CDH10: variants seen among roughly 807,000 people sequenced by gnomAD.
CDH10 encodes cadherin-10.
Under a neutral mutation model 73.1 loss-of-function variants are expected in CDH10, and 30 were observed. The observed-to-expected ratio is 0.41, with a 90% confidence interval of 0.31 to 0.56. The LOEUF (loss-of-function observed/expected upper bound fraction) is 0.56, where lower values mean the gene tolerates loss of function less well. Among genes scored for constraint, CDH10 ranks in the 20% least tolerant of loss-of-function variants. CDH10 has a pLI of 0.27. For missense variants in CDH10, 815 were observed against 973.7 expected (o/e 0.84, Z 2.17); for synonymous variants, 345 against 348.2 (o/e 0.99, Z 0.10).
intron 5 of CDH10, among the ~76,000 whole-genome samples, chr5:24,527,234 T>C (rs1743564321): frequency 6.7e-6 from 1 of 148,380 alleles, no homozygotes; most frequent in African/African-American, 2.4e-5. Context: ...TATAGTCATA[T>C]ATACTTACAT....
rs2111649068 is a variant in CDH10, at chr5:24,492,826, C to T, written c.1615G>A (p.Asp539Asn). The T allele has an allele frequency of 7.0e-7, 1 of 1,424,402 alleles. No homozygotes were observed. The highest frequency in any genetic ancestry group is 9.9e-7 in the Non-Finnish European group (1 of 1,007,674). The allele number at this position is 1,424,402 out of a possible 1,614,324, so 88.2% of individuals were successfully genotyped here. The change falls in exon 10 of 12, where the codon GAT becomes AAT. Residue 539 changes from aspartate to asparagine, a missense_variant. Physicochemically the swap from Asp to Asn is conservative, Grantham distance 23 (BLOSUM62 1). This residue lies in a region of CDH10 where 516 missense variants were observed against 636.6 expected (regional missense o/e 0.81). Coordinates refer to ENST00000264463, the MANE Select transcript of CDH10 (RefSeq NM_006727.5). ...AAGTTCTAAAATTTACCTTCATTAT[C>T]CTGTACTGTGAAGTTTGGATTGACA... ...AAVNPNFTVQ[D>N]NEDNTARILT...
intron 2 of CDH10, among the ~76,000 whole-genome samples, chr5:24,579,539 T>C (rs1307701104): frequency 6.6e-6 from 1 of 152,072 alleles, no homozygotes; most frequent in East Asian, 1.9e-4. Context: ...GCAAAAAGAA[T>C]GCTGGACTCA....
chr5:24,603,797 C>G lies in CDH10; in HGVS notation c.-123-10184G>C, dbSNP rs578213939. ...GATACCTACTTTTACCACTTGTATT[C>G]AACTTTAAACTGGTTGTCCTAGCCA... On this transcript the variant is annotated intron_variant, in intron 1 of 11. Coordinates refer to ENST00000264463, the MANE Select transcript of CDH10 (RefSeq NM_006727.5). Among the ~76,000 whole-genome samples the G allele has an allele frequency of 2.0e-5, 3 of 152,032 alleles. No homozygotes were observed. In the East Asian group the frequency reaches 5.8e-4, roughly 29 times the overall value.
At chr5:24,570,710 T>C (rs1194675239) in intron 2 of CDH10, among the ~76,000 whole-genome samples, 4 of 152,114 alleles carry the variant, frequency 2.6e-5, no homozygotes, top group African/African-American at 9.7e-5. Flanking sequence ...TTCTATCTAA[T>C]CAAATCTTTA....
chr5:24,495,320 T>C (rs559948823), intron 9 of CDH10, among the ~76,000 whole-genome samples: 1 of 152,324 alleles, frequency 6.6e-6, no homozygotes, highest in Non-Finnish European at 1.5e-5. Flanking sequence ...TCATTTACAT[T>C]TTATCTCCTT....
intron 2 of CDH10, among the ~76,000 whole-genome samples, chr5:24,592,785 A>G (rs572071286): frequency 2.0e-5 from 3 of 151,934 alleles, no homozygotes; most frequent in South Asian, 2.1e-4. Flanking sequence ...ATTTTCTTAT[A>G]ATAAGCAACA....
In CDH10 at chr5:24,492,914, A is replaced by C; in HGVS notation, c.1527T>G (p.Thr509=). 2.7e-6 allele frequency: 4 copies of C among 1,465,406 alleles called. No individual in the cohort carries two copies. The highest frequency in any genetic ancestry group is 3.8e-6 in the Non-Finnish European group (4 of 1,045,046). 90.8% of individuals were successfully genotyped at this position (1,465,406 alleles called of 1,614,324 possible). A position where few individuals can be genotyped will look rare whatever the true frequency, so the allele number is the denominator to read the frequency against. Residue 509 remains threonine (T), a synonymous_variant, in exon 10 of 12, where the codon ACT becomes ACG. Coordinates refer to ENST00000264463, the MANE Select transcript of CDH10 (RefSeq NM_006727.5). ...ENARPGQLIQ[T]ISAVDKDDPL... is the part of the protein sequence containing the mutation. ...GGTCATCTTTGTCTACTGCACTTAT[A>C]GTCTGTATTAGCTGCAGAAAAAGAA...
rs200007068 is a variant in CDH10 at position 24,535,882 on chromosome 5, G to T, written c.527-60C>A. On this transcript the variant is annotated intron_variant, in intron 3 of 11. Transcript: ENST00000264463. Reference sequence around the variant, plus strand: ...TACCAGAAGGAGGAGCAAAAGCACTGGTTTTCATTGAAGACTTGAATGATT... The same window carrying T: ...TACCAGAAGGAGGAGCAAAAGCACTTGTTTTCATTGAAGACTTGAATGATT... The T allele has an allele frequency of 9.5e-5, 125 of 1,310,136 alleles. 2 individuals carry two copies. Among genetic ancestry groups the T allele is most frequent in the Non-Finnish European group, 2.8e-5 (27 of 967,610 alleles). The allele number at this position is 1,310,136 out of a possible 1,614,324, so 81.2% of individuals were successfully genotyped here.
rs12513417 is a variant in CDH10, at chr5:24,517,291, C to T, written c.815-5777G>A. The stretch of plus-strand genomic sequence containing the variant: ...AAAGGTCTACAATTTCATTTCTTGG[C>T]GTGAAACACAATTCTAACGCCCAAA... On this transcript the variant is annotated intron_variant, in intron 5 of 11. Transcript: ENST00000264463. 0.01 allele frequency among the ~76,000 whole-genome samples: 1,558 copies of T among 152,188 alleles called. 80 individuals are homozygous for T. In the East Asian group the frequency reaches 0.14, roughly 14 times the overall value.
rs2112093078 is a variant in CDH10 at position 24,593,362 on chromosome 5, C to T, written c.129G>A (p.Arg43=). The T allele has an allele frequency of 6.2e-7, 1 of 1,612,734 alleles. No individual in the cohort carries two copies. The highest frequency in any genetic ancestry group is 8.5e-7 in the Non-Finnish European group (1 of 1,178,888). ...QQRILSSRVP[R]SDGKILHRQK... ...GACGATGGAGAATTTTGCCATCACT[C>T]CTTGGTACACGTGAACTTAAAATTC... The change falls in exon 2 of 12, where the codon AGG becomes AGA. Residue 43 remains arginine, a synonymous_variant. Coordinates refer to ENST00000264463, the MANE Select transcript of CDH10 (RefSeq NM_006727.5).
chr5:24,555,884 A>T (rs1292187081), intron 2 of CDH10, among the ~76,000 whole-genome samples: 2 of 147,506 alleles, frequency 1.4e-5, no homozygotes, highest in Non-Finnish European at 3.0e-5. Context: ...CATGAAAAAA[A>T]CATGAAGACA....
At chr5:24,515,959 C>T (rs915011059) in intron 5 of CDH10, among the ~76,000 whole-genome samples, 20 of 152,112 alleles carry the variant, frequency 1.3e-4, no homozygotes, top group Admixed American at 7.9e-4. Flanking sequence ...CTTGCTCTTC[C>T]ACCATGACTA....
intron 2 of CDH10, among the ~76,000 whole-genome samples, chr5:24,584,763 C>T (rs989054133): frequency 5.3e-5 from 8 of 151,902 alleles, no homozygotes; most frequent in African/African-American, 1.9e-4. Context: ...GCTACCGTGC[C>T]CGACCTCACA....
At chr5:24,560,687 C>T (rs1445830796) in intron 2 of CDH10, among the ~76,000 whole-genome samples, 2 of 151,940 alleles carry the variant, frequency 1.3e-5, no homozygotes, top group Non-Finnish European at 2.9e-5. Flanking sequence ...ATCTTGGCTG[C>T]TAATCTATGC....
Position 24,509,240 on chromosome 5 carries a change from C to CTTTT in CDH10, c.1256+322_1256+325dup, listed in dbSNP as rs35903930. Among the ~76,000 whole-genome samples, 216 of 85,316 alleles carry CTTTT rather than the reference C, an allele frequency of 2.5e-3. 11 individuals carry two copies. Among genetic ancestry groups the CTTTT allele is most frequent in the African/African-American group, 7.4e-3 (151 of 20,484 alleles). 56.0% of individuals were successfully genotyped at this position (85,316 alleles called of 152,430 possible). Reference sequence around the variant, plus strand: ...AAACAACATTTTGTTCTCCTTTTTCCTTTTTTTTTTTTTTTTTTGAGACAG... The same window carrying CTTTT: ...AAACAACATTTTGTTCTCCTTTTTCCTTTTTTTTTTTTTTTTTTTTTTGAGACAG... On this transcript the variant is annotated intron_variant, in intron 7 of 11. Transcript: ENST00000264463.
intron 1 of CDH10, among the ~76,000 whole-genome samples, chr5:24,600,669 G>T (rs950191111): frequency 1.3e-5 from 2 of 152,070 alleles, no homozygotes; most frequent in African/African-American, 2.4e-5. Context: ...AAGGACAGGA[G>T]TTAAAATGAG....
intron 2 of CDH10, among the ~76,000 whole-genome samples, chr5:24,580,551 G>A (rs1298795147): frequency 6.6e-6 from 1 of 151,926 alleles, no homozygotes; most frequent in African/African-American, 2.4e-5. Flanking sequence ...GTATTAAGCC[G>A]AGTATCCATT....
intron 1 of CDH10, among the ~76,000 whole-genome samples, chr5:24,625,386 T>C (rs1047577177): frequency 6.6e-6 from 1 of 151,834 alleles, no homozygotes; most frequent in Non-Finnish European, 1.5e-5. Flanking sequence ...TGTGGAGCAA[T>C]ACTCTACACA....
intron 8 of CDH10, 48 bp downstream of exon 8, chr5:24,505,064 A>T (rs2111724527): frequency 7.8e-7 from 1 of 1,275,734 alleles, no homozygotes; most frequent in South Asian, 1.3e-5. Context: ...AAAATATATA[A>T]ACATAAACAT....
Sources: gnomAD v4.1 joint callset for allele counts (sites outside exome capture counted in the v4.1 genomes callset) on GRCh38, gnomAD v4.1.1 for gene constraint, gnomAD v4.1.1 regional missense constraint, MANE v1.5 for transcripts, NCBI Gene and HGNC (gene_info 2026-07-23, HGNC 2026-07-21) for gene names.